The following NUP133 variants were observed in gnomAD, a reference collection of about 807,000 sequenced individuals.
NUP133 encodes nucleoporin 133.
NUP133 carries 66 observed loss-of-function variants against 146.2 expected under a neutral mutation model. The observed-to-expected ratio is 0.45, with a 90% confidence interval of 0.37 to 0.55. The LOEUF (loss-of-function observed/expected upper bound fraction) is 0.55, where lower values mean the gene tolerates loss of function less well. NUP133 is among the 20% of genes least tolerant of loss of function. The pLI is 0.00. For synonymous variants in NUP133, 521 were observed against 498.8 expected (o/e 1.04, Z -0.59); for missense variants, 1,277 against 1,374.8 (o/e 0.93, Z 1.12).
chr1:229,490,092 C>T lies in NUP133; in HGVS notation c.1057G>A (p.Val353Met), dbSNP rs766071924. Residue 353 changes from valine to methionine, a missense_variant, in exon 9 of 26, where the codon GTG becomes ATG. Val to Met is a conservative substitution (Grantham distance 21, BLOSUM62 1). Around this residue, in one of 3 missense-constraint regions of NUP133, gnomAD observed 952 missense variants for 1,047.0 expected, o/e 0.91. Coordinates refer to ENST00000261396, the MANE Select transcript of NUP133 (RefSeq NM_018230.3). ...LDLKQNCDGL[V>M]ILAAAWHSAD... ...GAGTGCCATGCTGCTGCCAAAATCA[C>T]CAGCCCATCACTAATCAATAAAAAA... 4.4e-6 allele frequency: 7 copies of T among 1,585,764 alleles called. No individual in the cohort carries two copies. Among genetic ancestry groups the T allele is most frequent in the South Asian group, 2.3e-5 (2 of 87,282 alleles).
intron 25 of NUP133, among the ~76,000 whole-genome samples, chr1:229,442,866 C>T (rs1323150286): frequency 3.3e-5 from 5 of 151,888 alleles, no homozygotes; most frequent in Non-Finnish European, 7.4e-5. Context: ...CCACTACACC[C>T]GGCTAATTTT....
rs1431253860 is a variant in NUP133 at position 229,460,669 on chromosome 1, A to C, written c.2786T>G (p.Leu929Trp). ...ISQHGQLANFLQAHEHLSWLH... is the reference protein window; with the variant it reads ...ISQHGQLANFWQAHEHLSWLH... ...CCAGCTGAGATGTTCATGAGCTTGC[A>C]AAAAATTTGCCAACTGTCCATGCTG... The change falls in exon 20 of 26, where the codon TTG becomes TGG. Residue 929 changes from leucine (L) to tryptophan (W), a missense_variant. Around this residue, in one of 3 missense-constraint regions of NUP133, gnomAD observed 952 missense variants for 1,047.0 expected, o/e 0.91. Coordinates refer to ENST00000261396, the MANE Select transcript of NUP133 (RefSeq NM_018230.3). 1 of 1,613,990 alleles carries C rather than the reference A, an allele frequency of 6.2e-7. No homozygotes were observed. The highest frequency in any genetic ancestry group is 8.5e-7 in the Non-Finnish European group (1 of 1,179,992).
intron 12 of NUP133, among the ~76,000 whole-genome samples, chr1:229,478,332 TAA>T (rs1465271617): frequency 6.6e-6 from 1 of 151,484 alleles, no homozygotes; most frequent in African/African-American, 2.4e-5. Context: ...CACAGAAAGA[TAA>T]AAAGACTTAA....
chr1:229,470,671 T>A lies in NUP133; in HGVS notation c.1985A>T (p.Asp662Val). The change falls in exon 15 of 26, where the codon GAC becomes GTC. Residue 662 changes from aspartate (D) to valine (V), a missense_variant. Physicochemically the swap from Asp to Val is radical, Grantham distance 152 (BLOSUM62 -3). Coordinates refer to ENST00000261396, the MANE Select transcript of NUP133 (RefSeq NM_018230.3). ...VLKNHHSRLSDLVNTAILIAL... is the reference protein window; with the variant it reads ...VLKNHHSRLSVLVNTAILIAL... ...AATCAATATGGCTGTGTTGACAAGG[T>A]CAGAAAGCCGGGAGTGGTGGTTCTT... 1 of 1,614,094 alleles carries A rather than the reference T, an allele frequency of 6.2e-7. No homozygotes were observed. The highest frequency in any genetic ancestry group is 8.5e-7 in the Non-Finnish European group (1 of 1,180,004).
intron 19 of NUP133, 27 bp downstream of exon 19, chr1:229,463,516 A>C: frequency 1.3e-6 from 2 of 1,590,776 alleles, no homozygotes; most frequent in Non-Finnish European, 8.5e-7. Flanking sequence ...TAAAGGACTC[A>C]GTGGCCACAC....
Position 229,475,716 on chromosome 1 carries a change from G to A in NUP133, c.1773C>T (p.Ser591=). Residue 591 remains serine (S), a synonymous_variant, in exon 14 of 26, where the codon AGC becomes AGT. Coordinates refer to ENST00000261396, the MANE Select transcript of NUP133 (RefSeq NM_018230.3). ...ESVPEEAPGF[S]NTSLIILHQL... is the part of the protein sequence containing the mutation. ...GGTGAAGGATAATCAGTGACGTATT[G>A]CTGAACCCAGGTGCTTCTGTTAAAA... 1 of 1,613,784 alleles carries A rather than the reference G, an allele frequency of 6.2e-7. No homozygotes were observed. The highest frequency in any genetic ancestry group is 8.5e-7 in the Non-Finnish European group (1 of 1,179,656).
At chr1:229,495,632 C>A in intron 7 of NUP133, 67 bp from the exon 8 acceptor site, 1 of 1,156,402 alleles carries the variant, frequency 8.6e-7, no homozygotes, top group Non-Finnish European at 1.3e-6. Flanking sequence ...CCTTTATATC[C>A]CTAGTACCTA....
rs758133477 is a variant in NUP133 at position 229,490,090 on chromosome 1, C to T, written c.1059G>A (p.Val353=). The T allele has an allele frequency of 8.8e-6, 14 of 1,586,478 alleles. No individual in the cohort carries two copies. The highest frequency in any genetic ancestry group is 5.4e-5 in the African/African-American group (4 of 74,276). ...CTGAGTGCCATGCTGCTGCCAAAAT[C>T]ACCAGCCCATCACTAATCAATAAAA... ...LDLKQNCDGL[V]ILAAAWHSAD... is the part of the protein sequence containing the mutation. Residue 353 remains valine (V), a synonymous_variant, in exon 9 of 26, where the codon GTG becomes GTA. Transcript: ENST00000261396.
Position 229,463,591 on chromosome 1 carries a change from A to C in NUP133, c.2637T>G (p.Thr879=), listed in dbSNP as rs1196724968. 1.2e-6 allele frequency: 2 copies of C among 1,614,132 alleles called. No homozygotes were observed. The highest frequency in any genetic ancestry group is 2.2e-5 in the South Asian group (2 of 91,086). Residue 879 remains threonine (T), a synonymous_variant, in exon 19 of 26, where the codon ACT becomes ACG. Transcript: ENST00000261396. ...AGCGCTGGAGTCGGCTCTGGTTGTC[A>C]GTCTGCTCACACATTTGTACCAATA... is the stretch of plus-strand genomic sequence containing the variant. The part of the protein sequence containing the change: ...FDILVQMCEQ[T]DNQSRLQRYM...
intron 24 of NUP133, among the ~76,000 whole-genome samples, chr1:229,447,061 T>C (rs1571903331): frequency 6.6e-6 from 1 of 151,436 alleles, no homozygotes; most frequent in South Asian, 2.1e-4. Context: ...GAGGCGGAGG[T>C]TGTGGTGAGC....
In NUP133 at chr1:229,463,573, G is replaced by A. The variant is rs1660739409; in HGVS notation, c.2655C>T (p.Leu885=). The change falls in exon 19 of 26, where the codon CTC becomes CTT. Residue 885 remains leucine (L), a synonymous_variant. Transcript: ENST00000261396. ...MCEQTDNQSR[L]QRYMTQFADQ... is the part of the protein sequence containing the mutation. Reference sequence around the variant, plus strand: ...CAGCAAACTGGGTCATGTAGCGCTGGAGTCGGCTCTGGTTGTCAGTCTGCT... The same window carrying A: ...CAGCAAACTGGGTCATGTAGCGCTGAAGTCGGCTCTGGTTGTCAGTCTGCT... 1.9e-6 allele frequency: 3 copies of A among 1,614,074 alleles called. No individual in the cohort carries two copies. Among genetic ancestry groups the A allele is most frequent in the Non-Finnish European group, 2.5e-6 (3 of 1,179,998 alleles).
At chr1:229,442,805 A>C (rs563436443) in intron 25 of NUP133, among the ~76,000 whole-genome samples, 1 of 151,036 alleles carries the variant, frequency 6.6e-6, no homozygotes, top group South Asian at 2.1e-4. Context: ...TTCTGGGTTC[A>C]AGCGATTCTC....
At chr1:229,491,502 G>A (rs567959543) in intron 8 of NUP133, among the ~76,000 whole-genome samples, 5 of 152,324 alleles carry the variant, frequency 3.3e-5, no homozygotes, top group African/African-American at 1.2e-4. Flanking sequence ...TAAAAGGCCA[G>A]GTGTGGTGTT....
intron 15 of NUP133, among the ~76,000 whole-genome samples, chr1:229,468,733 T>A (rs12059923): frequency 1.3e-5 from 2 of 152,130 alleles, no homozygotes; most frequent in African/African-American, 2.4e-5. Flanking sequence ...TAATTAATTT[T>A]AAAAAATTGT....
intron 19 of NUP133, 146 bp downstream of exon 19, chr1:229,463,397 A>T: frequency 1.1e-6 from 1 of 928,034 alleles, no homozygotes; most frequent in Non-Finnish European, 1.6e-6. Context: ...GAAACGCGAC[A>T]TACAAATTAG....
At position 229,464,738 on chromosome 1, in the gene NUP133, G is replaced by A. The variant is rs778930162; in HGVS notation, c.2437C>T (p.Leu813=). The change falls in exon 18 of 26, where the codon CTG becomes TTG. Residue 813 remains leucine (L), a synonymous_variant. Transcript: ENST00000261396. Reference sequence around the variant, plus strand: ...TTAAGCTGAGAAACATAACCATCCAGGAAGCAATCGATCAGGGCTACCAGC... The same window carrying A: ...TTAAGCTGAGAAACATAACCATCCAAGAAGCAATCGATCAGGGCTACCAGC... ...EQLVALIDCF[L]DGYVSQLKSV... is the part of the protein sequence containing the mutation. 1 of 1,614,184 alleles carries A rather than the reference G, an allele frequency of 6.2e-7. No homozygotes were observed. The highest frequency in any genetic ancestry group is 8.5e-7 in the Non-Finnish European group (1 of 1,180,046).
chr1:229,469,066 T>C (rs1224781133), intron 15 of NUP133, among the ~76,000 whole-genome samples: 1 of 152,210 alleles, frequency 6.6e-6, no homozygotes, highest in African/African-American at 2.4e-5. Context: ...GTGTGCTACA[T>C]GTTAGAATAC....
At chr1:229,498,527 C>T (rs1448679334) in intron 5 of NUP133, among the ~76,000 whole-genome samples, 3 of 152,130 alleles carry the variant, frequency 2.0e-5, no homozygotes, top group East Asian at 1.9e-4. Flanking sequence ...ACTGGCCAGG[C>T]ATGGTGGCTC....
At chr1:229,492,045 C>G (rs1661530302) in intron 8 of NUP133, among the ~76,000 whole-genome samples, 1 of 152,040 alleles carries the variant, frequency 6.6e-6, no homozygotes, top group African/African-American at 2.4e-5. Flanking sequence ...CTTGTTGCTC[C>G]CAATAAATTA....
Sources: allele counts gnomAD v4.1 joint callset (sites outside exome capture counted in the v4.1 genomes callset), GRCh38; gene constraint gnomAD v4.1.1; regional missense constraint gnomAD v4.1.1; transcripts MANE v1.5; gene names NCBI Gene and HGNC (gene_info 2026-07-23, HGNC 2026-07-21).